ADAMTSL1: variants seen among roughly 807,000 people sequenced by gnomAD.
ADAMTSL1 encodes ADAMTS-like protein 1.
A neutral mutation model predicts 201.8 loss-of-function variants in ADAMTSL1; 126 were observed. That is an observed-to-expected ratio of 0.62 (90% CI 0.54 to 0.72). The LOEUF is 0.72. Ranked by LOEUF, ADAMTSL1 falls within the 30% of genes least tolerant of loss-of-function variation. The probability of loss-of-function intolerance (pLI) is 0.00; values close to 1 mark genes in which losing one functional copy is unlikely to be tolerated. For missense variants in ADAMTSL1, 2,679 were observed against 2,277.8 expected (o/e 1.18, Z -3.59); for synonymous variants, 1,121 against 903.4 (o/e 1.24, Z -4.32).
Position 18,621,389 on chromosome 9 carries a change from T to C in ADAMTSL1, c.475-854T>C, listed in dbSNP as rs555899841. ...TCAGCTGCTTATTAGCTAAGTGACCTTGGGTAAGACTCATGGCCTCAACTA... is the reference window on the plus strand; with the variant it reads ...TCAGCTGCTTATTAGCTAAGTGACCCTGGGTAAGACTCATGGCCTCAACTA... On this transcript the variant is annotated intron_variant, in intron 4 of 28. Transcript: ENST00000380548. 5.9e-5 allele frequency among the ~76,000 whole-genome samples: 9 copies of C among 152,290 alleles called. No individual in the cohort carries two copies. The Middle Eastern group carries it at 0.01, about 173-fold the overall frequency.
intron 4 of ADAMTSL1, among the ~76,000 whole-genome samples, chr9:18,621,556 CCACACACACACA>C (rs57351480): frequency 2.7e-4 from 39 of 143,728 alleles, no homozygotes; most frequent in African/African-American, 3.7e-4. Context: ...CCGTCCTCTT[CCACACACACACA>C]CACACACACA....
At chr9:18,244,753 C>A (rs1433530941) in intron 2 of ADAMTSL1, among the ~76,000 whole-genome samples, 1 of 152,112 alleles carries the variant, frequency 6.6e-6, no homozygotes, top group Non-Finnish European at 1.5e-5. Flanking sequence ...AACTAGGTCA[C>A]CCAAGTGTCT....
chr9:18,899,653 G>A (rs1171913900), intron 26 of ADAMTSL1, among the ~76,000 whole-genome samples: 1 of 152,162 alleles, frequency 6.6e-6, no homozygotes, highest in African/African-American at 2.4e-5. Context: ...ACAACCATCT[G>A]ATCTTTGACA....
rs62549154 is a variant in ADAMTSL1, at chr9:18,844,035, T to C, written c.4249+14058T>C. Among the ~76,000 whole-genome samples the C allele has an allele frequency of 5.3e-3, 808 of 152,348 alleles. 11 individuals are homozygous for C. Among genetic ancestry groups the C allele is most frequent in the African/African-American group, 0.016 (668 of 41,580 alleles). ...CGTCTGAAGACTTCTTCTCTCAACT[T>C]GTCAAAGTCATTCTCCGTCCAGCTT... On this transcript the variant is annotated intron_variant, in intron 23 of 28. Transcript: ENST00000380548.
At chr9:18,696,890 T>TATTATTATTATTATTA (rs1564159126) in intron 13 of ADAMTSL1, among the ~76,000 whole-genome samples, 6 of 149,608 alleles carry the variant, frequency 4.0e-5, no homozygotes, top group African/African-American at 1.5e-4. Flanking sequence ...TTATTATTAT[T>TATTATTATTATTATTA]ATTATTTTGA....
chr9:18,186,460 A>G (rs1828738323), intron 2 of ADAMTSL1, among the ~76,000 whole-genome samples: 1 of 152,146 alleles, frequency 6.6e-6, no homozygotes, highest in African/African-American at 2.4e-5. Flanking sequence ...TTTGTTGCCT[A>G]GTCCCTACCC....
intron 4 of ADAMTSL1, among the ~76,000 whole-genome samples, chr9:18,610,440 A>C (rs552241814): frequency 6.6e-6 from 1 of 152,192 alleles, no homozygotes; most frequent in Non-Finnish European, 1.5e-5. Flanking sequence ...GCTTTTGCTT[A>C]AACTCTGCTT....
intron 4 of ADAMTSL1, among the ~76,000 whole-genome samples, chr9:18,601,569 C>T (rs73644619): frequency 1.3e-5 from 2 of 152,226 alleles, no homozygotes; most frequent in African/African-American, 4.8e-5. Context: ...CAGTCATGGC[C>T]AGTGAGGATT....
At chr9:18,032,467 C>A (rs549052797) in intron 1 of ADAMTSL1, among the ~76,000 whole-genome samples, 5 of 152,244 alleles carry the variant, frequency 3.3e-5, no homozygotes, top group African/African-American at 9.6e-5. Flanking sequence ...GCTGTGTACA[C>A]CCTCCTGCGG....
At chr9:17,931,904 G>T (rs1563903331) in intron 1 of ADAMTSL1, among the ~76,000 whole-genome samples, 1 of 152,304 alleles carries the variant, frequency 6.6e-6, no homozygotes, top group East Asian at 1.9e-4. Flanking sequence ...TTGGCAACAA[G>T]ATGGTGAATA....
chr9:18,683,079 G>A (rs766719205), intron 12 of ADAMTSL1, among the ~76,000 whole-genome samples: 6 of 152,196 alleles, frequency 3.9e-5, no homozygotes, highest in Non-Finnish European at 7.3e-5. Context: ...TATGGGAGGA[G>A]GTTGCCACAG....
chr9:18,595,008 C>T (rs1043807768), intron 4 of ADAMTSL1, among the ~76,000 whole-genome samples: 1 of 152,160 alleles, frequency 6.6e-6, no homozygotes, highest in Non-Finnish European at 1.5e-5. Flanking sequence ...GAGTCATTCA[C>T]AGGTGAAGAT....
intron 23 of ADAMTSL1, among the ~76,000 whole-genome samples, chr9:18,858,356 C>T (rs1418154051): frequency 6.6e-6 from 1 of 152,302 alleles, no homozygotes; most frequent in Non-Finnish European, 1.5e-5. Flanking sequence ...CAGGTCACCA[C>T]TGCACCCCTG....
intron 2 of ADAMTSL1, among the ~76,000 whole-genome samples, chr9:18,244,276 C>A (rs1831177674): frequency 6.6e-6 from 1 of 152,074 alleles, no homozygotes; most frequent in South Asian, 2.1e-4. Context: ...CAAGAGTTTT[C>A]TAATTGATCT....
intron 2 of ADAMTSL1, among the ~76,000 whole-genome samples, chr9:18,235,355 AG>A: frequency 6.6e-6 from 1 of 152,282 alleles, no homozygotes; most frequent in East Asian, 1.9e-4. Context: ...ATCACATCAA[AG>A]GTACCTGCTA....
intron 2 of ADAMTSL1, among the ~76,000 whole-genome samples, chr9:18,378,613 A>C (rs1161959609): frequency 6.6e-6 from 1 of 152,148 alleles, no homozygotes; most frequent in Non-Finnish European, 1.5e-5. Flanking sequence ...CACCCTCTTC[A>C]GAACAAGCCT....
intron 3 of ADAMTSL1, among the ~76,000 whole-genome samples, chr9:18,556,133 C>G (rs1821096761): frequency 6.6e-6 from 1 of 151,904 alleles, no homozygotes; most frequent in Non-Finnish European, 1.5e-5. Context: ...ACAGAATCAG[C>G]CTTAAAGAAA....
At chr9:18,831,174 A>G (rs1299890562) in intron 23 of ADAMTSL1, among the ~76,000 whole-genome samples, 1 of 152,266 alleles carries the variant, frequency 6.6e-6, no homozygotes, top group Non-Finnish European at 1.5e-5. Context: ...TGACTTGAGT[A>G]AAAATAAGAC....
At chr9:18,386,327 A>G (rs567369160) in intron 2 of ADAMTSL1, among the ~76,000 whole-genome samples, 1 of 152,300 alleles carries the variant, frequency 6.6e-6, no homozygotes, top group East Asian at 1.9e-4. Context: ...TCAGCTTTTT[A>G]GCTCTGCATG....
Sources: allele counts gnomAD v4.1 joint callset (sites outside exome capture counted in the v4.1 genomes callset), GRCh38; gene constraint gnomAD v4.1.1; transcripts MANE v1.5; gene names NCBI Gene and HGNC (gene_info 2026-07-23, HGNC 2026-07-21).